The following HPS5 variants were observed in gnomAD, a reference collection of about 807,000 sequenced individuals.
HPS5 encodes BLOC-2 complex member HPS5.
Under a neutral mutation model 128.0 loss-of-function variants are expected in HPS5, and 83 were observed. The ratio of observed to expected loss-of-function variants is 0.65; its 90% CI spans 0.54 to 0.78. HPS5 has a LOEUF of 0.78. Ranked by LOEUF, HPS5 falls within the 30% of genes least tolerant of loss-of-function variation. HPS5 has a pLI of 0.00. For synonymous variants in HPS5, 475 were observed against 470.2 expected, an observed-to-expected ratio of 1.01 and a Z score of -0.13; for missense variants, 1,281 against 1,326.2, an observed-to-expected ratio of 0.97 and a Z score of 0.53.
chr11:18,287,125 G>A (rs1247506174), intron 18 of HPS5, among the ~76,000 whole-genome samples: 1 of 152,052 alleles, frequency 6.6e-6, no homozygotes, highest in African/African-American at 2.4e-5. Context: ...AATAAGCCAG[G>A]GGCACAGGTC....
In HPS5 at chr11:18,295,053, C is replaced by G. The variant is rs1860891110; in HGVS notation, c.1751G>C (p.Ser584Thr). Residue 584 changes from serine to threonine, a missense_variant, in exon 14 of 23, where the codon AGT (serine) becomes ACT (threonine). Transcript: ENST00000349215. Reference protein sequence around the residue: ...GDEQSCEEDVSSDTCPKEEDT... With the variant: ...GDEQSCEEDVTSDTCPKEEDT... ...TTCCTCCTTTGGGCAGGTATCTGAA[C>G]TCACATCCTCTTCACATGATTGCTC... 6.2e-7 allele frequency: 1 copy of G among 1,614,078 alleles called. No homozygotes were observed. Among genetic ancestry groups the G allele is most frequent in the Admixed American group, 1.7e-5 (1 of 60,002 alleles).
At chr11:18,290,450 A>C (rs749944691) in intron 16 of HPS5, among the ~76,000 whole-genome samples, 40 of 152,244 alleles carry the variant, frequency 2.6e-4, no homozygotes, top group Non-Finnish European at 3.1e-4. Flanking sequence ...CAATGCTGAA[A>C]AGTGTTTACC....
chr11:18,285,668 CA>C (rs1191401594), intron 19 of HPS5, among the ~76,000 whole-genome samples: 13 of 152,106 alleles, frequency 8.5e-5, no homozygotes, highest in Non-Finnish European at 1.2e-4. Context: ...TAATCAAAAG[CA>C]AAAGAAATAA....
In HPS5 at chr11:18,287,909, CCAA is replaced by C; in HGVS notation, c.2542_2544del (p.Leu848del). On this transcript the variant is annotated inframe_deletion, in exon 17 of 23. Transcript: ENST00000349215. Reference sequence around the variant, plus strand: ...ACAACTTACCGGGTAGCATAAACAACCAACAACGGACTATCAAAAGGAACCTCG... The same window carrying C: ...ACAACTTACCGGGTAGCATAAACAACCAACGGACTATCAAAAGGAACCTCG... 1 of 1,614,014 alleles carries C rather than the reference CCAA, an allele frequency of 6.2e-7. No individual in the cohort carries two copies. Among genetic ancestry groups the C allele is most frequent in the Admixed American group, 1.7e-5 (1 of 60,014 alleles).
At chr11:18,314,576 C>T (rs1863397504) in intron 2 of HPS5, 3 of 151,714 alleles carry the variant, frequency 2.0e-5, no homozygotes, top group African/African-American at 7.3e-5. Flanking sequence ...CCACTTGTAA[C>T]TGCTGCTAAT....
Position 18,296,073 on chromosome 11 carries a change from A to T in HPS5, c.1560T>A (p.Thr520=). 1 of 1,613,390 alleles carries T rather than the reference A, an allele frequency of 6.2e-7. No homozygotes were observed. The highest frequency in any genetic ancestry group is 8.5e-7 in the Non-Finnish European group (1 of 1,179,298). Residue 520 remains threonine, a synonymous_variant, in exon 13 of 23, where the codon ACT becomes ACA. Coordinates refer to ENST00000349215, the MANE Select transcript of HPS5 (RefSeq NM_181507.2). ...GTAATGGAATGCCGAACGGGAGAAAAGTTTCATTCTTATCTGTCTCAAACA... is the reference window on the plus strand; with the variant it reads ...GTAATGGAATGCCGAACGGGAGAAATGTTTCATTCTTATCTGTCTCAAACA... The part of the protein sequence containing the change: ...PVMFETDKNE[T]FLPFGIPLPF...
intron 22 of HPS5, among the ~76,000 whole-genome samples, chr11:18,280,233 C>CAA (rs1446239307): frequency 1.3e-5 from 2 of 152,152 alleles, no homozygotes; most frequent in Non-Finnish European, 2.9e-5. Flanking sequence ...GCTATTTCTC[C>CAA]AAAGACAATT....
chr11:18,296,491 G>T, intron 12 of HPS5: 1 of 577,420 alleles, frequency 1.7e-6, no homozygotes, highest in Admixed American at 3.2e-5. Flanking sequence ...AAAATAATTT[G>T]GTTAGTCAGA....
At chr11:18,303,496 C>T (rs1289540802) in intron 8 of HPS5, among the ~76,000 whole-genome samples, 2 of 152,148 alleles carry the variant, frequency 1.3e-5, no homozygotes, top group Non-Finnish European at 2.9e-5. Flanking sequence ...TTTTTGTCTA[C>T]CATGGTAGGG....
At position 18,295,089 on chromosome 11, in the gene HPS5, A is replaced by G; in HGVS notation, c.1715T>C (p.Leu572Pro). The G allele has an allele frequency of 6.2e-7, 1 of 1,614,136 alleles. No individual in the cohort carries two copies. The highest frequency in any genetic ancestry group is 8.5e-7 in the Non-Finnish European group (1 of 1,180,006). The change falls in exon 14 of 23, where the codon CTC (leucine) becomes CCC (proline). Residue 572 changes from leucine (L) to proline (P), a missense_variant. Leu to Pro is a moderately conservative substitution (Grantham distance 98, BLOSUM62 -3). Coordinates refer to ENST00000349215, the MANE Select transcript of HPS5 (RefSeq NM_181507.2). ...TTCACATGATTGCTCATCACCCCTG[A>G]GCTCTGGTCTCACTTTCAGATCAGG... ...TSPDLKVRPE[L>P]RGDEQSCEED...
At chr11:18,300,239 AT>A (rs1186994685) in intron 9 of HPS5, among the ~76,000 whole-genome samples, 3 of 152,162 alleles carry the variant, frequency 2.0e-5, no homozygotes, top group Admixed American at 6.5e-5. Flanking sequence ...TGGGGTACAT[AT>A]TTATGTACCC....
At chr11:18,287,424 G>A (rs1859876733) in intron 18 of HPS5, 111 bp downstream of exon 18, 1 of 1,181,680 alleles carries the variant, frequency 8.5e-7, no homozygotes, top group South Asian at 1.2e-5. Flanking sequence ...TCCATAGTAT[G>A]TGCCTCAACC....
chr11:18,292,141 C>A, intron 15 of HPS5, 122 bp from the exon 16 acceptor site: 1 of 715,768 alleles, frequency 1.4e-6, no homozygotes, highest in Non-Finnish European at 2.4e-6. Context: ...CGTTACTTTT[C>A]AACTCTTTAA....
intron 16 of HPS5, among the ~76,000 whole-genome samples, chr11:18,290,322 T>C (rs1032453459): frequency 6.6e-6 from 1 of 152,236 alleles, no homozygotes; most frequent in African/African-American, 2.4e-5. Flanking sequence ...GTTACTTCAT[T>C]ATCAGATATT....
At chr11:18,316,757 G>C (rs1342532918) in intron 2 of HPS5, among the ~76,000 whole-genome samples, 1 of 152,154 alleles carries the variant, frequency 6.6e-6, no homozygotes, top group Non-Finnish European at 1.5e-5. Flanking sequence ...TTCAGAAGAG[G>C]CTGTTTGTCA....
rs150272061 is a variant in HPS5 at position 18,305,355 on chromosome 11, C to T, written c.896+67G>A. On this transcript the variant is annotated intron_variant, in intron 8 of 22. Coordinates refer to ENST00000349215, the MANE Select transcript of HPS5 (RefSeq NM_181507.2). ...ATAACCTTAAAAAACTACTTCTGAA[C>T]AAGAAACAGAGATAAAAATCTAAGT... is the stretch of plus-strand genomic sequence containing the variant. 1.0e-5 allele frequency: 11 copies of T among 1,084,618 alleles called. 1 individual carries two copies. In the African/African-American group the frequency reaches 1.7e-4, roughly 17 times the overall value. 67.2% of individuals were successfully genotyped at this position (1,084,618 alleles called of 1,614,324 possible). A position where few individuals can be genotyped will look rare whatever the true frequency, so the allele number is the denominator to read the frequency against.
intron 19 of HPS5, among the ~76,000 whole-genome samples, chr11:18,286,253 T>TA (rs1330534634): frequency 6.6e-6 from 1 of 152,144 alleles, no homozygotes; most frequent in Non-Finnish European, 1.5e-5. Context: ...TCCTTAGAAA[T>TA]AAGACTCCTA....
intron 2 of HPS5, among the ~76,000 whole-genome samples, 172 bp from the exon 3 acceptor site, chr11:18,312,196 A>G (rs1461830450): frequency 1.3e-5 from 2 of 152,238 alleles, no homozygotes; most frequent in Non-Finnish European, 2.9e-5. Flanking sequence ...AGTAAAAAAT[A>G]CTGAAGAAAG....
intron 1 of HPS5, among the ~76,000 whole-genome samples, chr11:18,319,261 A>T (rs1343251475): frequency 1.5e-5 from 2 of 134,138 alleles, no homozygotes; most frequent in South Asian, 2.3e-4. Context: ...AATACCACAC[A>T]CACACACACA....
Sources: allele counts gnomAD v4.1 joint callset (sites outside exome capture counted in the v4.1 genomes callset), GRCh38; gene constraint gnomAD v4.1.1; transcripts MANE v1.5; gene names NCBI Gene and HGNC (gene_info 2026-07-23, HGNC 2026-07-21).